TMTC2: variants seen among roughly 807,000 people sequenced by gnomAD.
TMTC2 encodes transmembrane O-mannosyltransferase targeting cadherins 2.
In TMTC2, 43 loss-of-function variants were observed where a neutral mutation model predicts 82.4. The observed-to-expected ratio is 0.52, with a 90% CI of 0.41 to 0.67. The LOEUF is 0.67. TMTC2 is among the 30% of genes least tolerant of loss of function. TMTC2 has a pLI of 0.00. For synonymous variants in TMTC2, 408 were observed against 381.9 expected (o/e 1.07, Z -0.80); for missense variants, 919 against 1,012.4 (o/e 0.91, Z 1.25).
intron 11 of TMTC2, among the ~76,000 whole-genome samples, chr12:83,121,495 A>C (rs564891431): frequency 2.0e-4 from 30 of 152,174 alleles, no homozygotes; most frequent in African/African-American, 7.2e-4. Flanking sequence ...ATGGTATCCT[A>C]TAATGTGCAC....
rs151098352 is a variant in TMTC2 at position 82,881,644 on chromosome 12, C to T, written c.655-14174C>T. ...CTGATGGATTGCCACTTCACAGCCA[C>T]GTTAATAATTTCTATGTCAACATAA... On this transcript the variant is annotated intron_variant, in intron 2 of 11. Coordinates refer to ENST00000321196, the MANE Select transcript of TMTC2 (RefSeq NM_152588.3). Among the ~76,000 whole-genome samples, 432 of 152,272 alleles carry T rather than the reference C, an allele frequency of 2.8e-3. 3 individuals are homozygous for T. The highest frequency in any genetic ancestry group is 9.9e-3 in the African/African-American group (413 of 41,562).
chr12:83,002,835 CTT>C (rs1442705175), intron 8 of TMTC2, among the ~76,000 whole-genome samples: 2 of 150,874 alleles, frequency 1.3e-5, no homozygotes, highest in African/African-American at 4.9e-5. Context: ...TCTGGTCGCT[CTT>C]AGAGTATGTT....
intron 1 of TMTC2, among the ~76,000 whole-genome samples, chr12:82,762,052 C>T (rs1294342377): frequency 1.0e-4 from 15 of 150,414 alleles, no homozygotes; most frequent in East Asian, 5.9e-4. Context: ...CTGCAACCTC[C>T]GCCTCCTGGG....
intron 2 of TMTC2, among the ~76,000 whole-genome samples, chr12:82,883,602 C>T (rs547681708): frequency 4.6e-5 from 7 of 152,132 alleles, no homozygotes; most frequent in Admixed American, 1.3e-4. Context: ...GAGACTGGAA[C>T]GCATCTCATA....
intron 1 of TMTC2, among the ~76,000 whole-genome samples, chr12:82,774,655 G>A (rs1218859265): frequency 8.7e-5 from 12 of 137,332 alleles, no homozygotes; most frequent in African/African-American, 3.3e-4. Context: ...TTTTTTGTCT[G>A]GGGATGATAA....
chr12:82,986,814 A>G (rs910350462), intron 8 of TMTC2, among the ~76,000 whole-genome samples: 1 of 152,184 alleles, frequency 6.6e-6, no homozygotes, highest in Non-Finnish European at 1.5e-5. Flanking sequence ...CATATATTTC[A>G]AAGTAATAGT....
intron 1 of TMTC2, among the ~76,000 whole-genome samples, chr12:82,834,919 C>A (rs886865112): frequency 6.6e-6 from 1 of 151,824 alleles, no homozygotes; most frequent in African/African-American, 2.4e-5. Context: ...GCCCTGTCGC[C>A]CAGGCTGGAG....
At chr12:82,713,372 G>A (rs1873736791) in intron 1 of TMTC2, among the ~76,000 whole-genome samples, 1 of 151,924 alleles carries the variant, frequency 6.6e-6, no homozygotes, top group Non-Finnish European at 1.5e-5. Context: ...GAGAGAAAGA[G>A]TTTATGAATT....
chr12:83,124,771 G>A (rs182317305), intron 11 of TMTC2, among the ~76,000 whole-genome samples: 2 of 152,130 alleles, frequency 1.3e-5, no homozygotes, highest in East Asian at 3.9e-4. Flanking sequence ...GAAGAATTTG[G>A]ATCCTTTTCT....
chr12:82,695,694 G>T (rs1031583247), intron 1 of TMTC2, among the ~76,000 whole-genome samples: 1 of 152,214 alleles, frequency 6.6e-6, no homozygotes, highest in Admixed American at 6.5e-5. Flanking sequence ...GTCAGTGCAT[G>T]TAGAAGTGAC....
chr12:82,936,992 C>A (rs1876355511), intron 4 of TMTC2, among the ~76,000 whole-genome samples: 1 of 152,102 alleles, frequency 6.6e-6, no homozygotes, highest in African/African-American at 2.4e-5. Context: ...ATTCTTTGAA[C>A]TATGTAAGTA....
intron 1 of TMTC2, among the ~76,000 whole-genome samples, chr12:82,743,305 G>A (rs1023314957): frequency 1.3e-5 from 2 of 152,046 alleles, no homozygotes; most frequent in African/African-American, 4.8e-5. Context: ...GCTGGGAATG[G>A]TGGTGCGTTC....
rs796826950 is a variant in TMTC2 at position 82,824,321 on chromosome 12, G to A, written c.84-32689G>A. Among the ~76,000 whole-genome samples the A allele has an allele frequency of 2.0e-4, 30 of 152,324 alleles. 1 individual carries two copies. The highest frequency in any genetic ancestry group is 6.3e-4 in the African/African-American group (26 of 41,580). On this transcript the variant is annotated intron_variant, in intron 1 of 11. Coordinates refer to ENST00000321196, the MANE Select transcript of TMTC2 (RefSeq NM_152588.3). ...ATAAACAGACCATCAGCCCTCTTTG[G>A]CTGATGTGGTTTGGTGGTCAGGCTA...
chr12:83,097,609 G>A (rs1359105484), intron 11 of TMTC2, among the ~76,000 whole-genome samples: 1 of 152,086 alleles, frequency 6.6e-6, no homozygotes, highest in African/African-American at 2.4e-5. Context: ...TATTAAAAAG[G>A]ATTTTTATTC....
At chr12:82,771,849 G>A (rs969811545) in intron 1 of TMTC2, among the ~76,000 whole-genome samples, 2 of 152,074 alleles carry the variant, frequency 1.3e-5, no homozygotes, top group Admixed American at 1.3e-4. Flanking sequence ...AGATAGGAAG[G>A]AAAGTAGGTA....
Position 83,030,121 on chromosome 12 carries a change from T to G in TMTC2, c.2071-677T>G, listed in dbSNP as rs149974362. ...AAATATTTGGCCTGTAAATGCCAAA[T>G]GTTGAGGCCAAGGATAAGCTGTAAA... On this transcript the variant is annotated intron_variant, in intron 8 of 11. Transcript: ENST00000321196. Among the ~76,000 whole-genome samples, 4 of 152,238 alleles carry G rather than the reference T, an allele frequency of 2.6e-5. No individual in the cohort carries two copies. The East Asian group carries it at 5.8e-4, about 22-fold the overall frequency.
At chr12:82,861,379 G>C (rs1478380190) in intron 2 of TMTC2, among the ~76,000 whole-genome samples, 2 of 152,054 alleles carry the variant, frequency 1.3e-5, no homozygotes, top group Non-Finnish European at 2.9e-5. Flanking sequence ...AACCATTTAC[G>C]GAATTTGTCT....
At chr12:82,863,287 T>A (rs1871645395) in intron 2 of TMTC2, among the ~76,000 whole-genome samples, 3 of 152,174 alleles carry the variant, frequency 2.0e-5, no homozygotes, top group African/African-American at 4.8e-5. Context: ...TTCCTTTCAT[T>A]TGCCTTACAC....
intron 1 of TMTC2, among the ~76,000 whole-genome samples, chr12:82,845,579 ACT>A (rs1870614976): frequency 6.6e-6 from 1 of 151,882 alleles, no homozygotes; most frequent in Non-Finnish European, 1.5e-5. Flanking sequence ...TTAAATTGAA[ACT>A]CTGATACAGT....
Sources: allele counts gnomAD v4.1 joint callset (sites outside exome capture counted in the v4.1 genomes callset), GRCh38; gene constraint gnomAD v4.1.1; transcripts MANE v1.5; gene names NCBI Gene and HGNC (gene_info 2026-07-23, HGNC 2026-07-21).